The following SEC11A variants were observed in gnomAD, a reference collection of about 807,000 sequenced individuals.
SEC11A encodes the protein signal peptidase complex catalytic subunit SEC11A.
A neutral mutation model predicts 25.6 loss-of-function variants in SEC11A; 14 were observed. The observed-to-expected ratio is 0.55, with a 90% CI of 0.36 to 0.85. The LOEUF is 0.85. Ranked by LOEUF, SEC11A falls within the 40% of genes least tolerant of loss-of-function variation. SEC11A has a pLI of 0.01. For missense variants in SEC11A, 153 were observed against 222.9 expected (o/e 0.69, Z 2.00); for synonymous variants, 83 against 76.4 (o/e 1.09, Z -0.45).
At chr15:84,715,851 A>C (rs1268187030) in intron 1 of SEC11A, among the ~76,000 whole-genome samples, 174 bp downstream of exon 1, 1 of 152,212 alleles carries the variant, frequency 6.6e-6, no homozygotes, top group Non-Finnish European at 1.5e-5. Flanking sequence ...TCGGGGTTAA[A>C]AATAATGAGG....
chr15:84,685,303 G>A (rs1384339694), intron 3 of SEC11A, among the ~76,000 whole-genome samples: 1 of 151,956 alleles, frequency 6.6e-6, no homozygotes, highest in Non-Finnish European at 1.5e-5. Flanking sequence ...TGTTGCCCAG[G>A]ATAGAATAAA....
intron 2 of SEC11A, among the ~76,000 whole-genome samples, chr15:84,690,121 C>A (rs558753279): frequency 6.6e-6 from 1 of 152,216 alleles, no homozygotes; most frequent in African/African-American, 2.4e-5. Flanking sequence ...GGCTGTGTCC[C>A]CACCCAAATC....
intron 1 of SEC11A, among the ~76,000 whole-genome samples, chr15:84,706,791 G>C (rs921094): frequency 0.84 from 128,216 of 152,224 alleles, 54,457 homozygotes; most frequent in African/African-American, 0.96. Flanking sequence ...TTCCCCAAAT[G>C]CCCTTCCCTG....
Position 84,700,797 on chromosome 15 carries a change from A to G in SEC11A, c.52-9153T>C, listed in dbSNP as rs1170134304. ...GGAATTTGAGACCAGCCTGACCAAC[A>G]TGGAGAAACTCTGTCTCTACTAAAA... On this transcript the variant is annotated intron_variant, in intron 1 of 5. Coordinates refer to ENST00000268220, the MANE Select transcript of SEC11A (RefSeq NM_014300.4). 6.7e-5 allele frequency among the ~76,000 whole-genome samples: 10 copies of G among 150,174 alleles called. No individual in the cohort carries two copies. The Admixed American group carries it at 6.7e-4, about 10-fold the overall frequency.
At chr15:84,691,072 TC>T (rs1250305386) in intron 2 of SEC11A, among the ~76,000 whole-genome samples, 15 of 104,932 alleles carry the variant, frequency 1.4e-4, no homozygotes, top group African/African-American at 7.6e-4. Context: ...TTCTTTTCTC[TC>T]TTTTTTTTTT....
intron 1 of SEC11A, among the ~76,000 whole-genome samples, chr15:84,700,291 T>C (rs993020497): frequency 2.6e-5 from 4 of 151,484 alleles, no homozygotes; most frequent in Admixed American, 6.6e-5. Flanking sequence ...GCAGAAATTA[T>C]AGGATTAGTA....
At chr15:84,700,394 G>A (rs575076215) in intron 1 of SEC11A, among the ~76,000 whole-genome samples, 1 of 151,430 alleles carries the variant, frequency 6.6e-6, no homozygotes, top group African/African-American at 2.4e-5. Context: ...AGGAGTTCTA[G>A]ACTGGCCTGG....
intron 1 of SEC11A, among the ~76,000 whole-genome samples, chr15:84,705,171 T>G (rs554628302): frequency 5.3e-5 from 8 of 152,306 alleles, no homozygotes; most frequent in Admixed American, 5.2e-4. Flanking sequence ...GTGATCCTCC[T>G]GTCCAGGCTT....
chr15:84,703,282 C>T (rs1246173844), intron 1 of SEC11A, among the ~76,000 whole-genome samples: 4 of 152,002 alleles, frequency 2.6e-5, no homozygotes, highest in Non-Finnish European at 4.4e-5. Context: ...ATTCACCAAG[C>T]CAAAAAATAG....
intron 4 of SEC11A, among the ~76,000 whole-genome samples, chr15:84,679,689 T>C (rs761967707): frequency 5.9e-5 from 9 of 152,236 alleles, no homozygotes; most frequent in African/African-American, 9.6e-5. Context: ...AGGTGGACTA[T>C]GCAGCCAGCC....
At chr15:84,708,266 T>A (rs1230180605) in intron 1 of SEC11A, among the ~76,000 whole-genome samples, 3 of 127,098 alleles carry the variant, frequency 2.4e-5, no homozygotes, top group African/African-American at 8.8e-5. Context: ...CAGTTTACAA[T>A]AAAATTTTAC....
At chr15:84,690,903 G>T (rs1897584690) in intron 2 of SEC11A, among the ~76,000 whole-genome samples, 2 of 152,094 alleles carry the variant, frequency 1.3e-5, no homozygotes, top group Admixed American at 6.6e-5. Flanking sequence ...GTATCAAAAT[G>T]AGGAATATAA....
intron 1 of SEC11A, among the ~76,000 whole-genome samples, chr15:84,711,246 G>C (rs896525504): frequency 6.6e-6 from 1 of 151,838 alleles, no homozygotes; most frequent in Middle Eastern, 3.4e-3. Flanking sequence ...GCCAGGTGTG[G>C]TGTCACTGGC....
chr15:84,706,011 A>C (rs1898083401), intron 1 of SEC11A, among the ~76,000 whole-genome samples: 1 of 151,522 alleles, frequency 6.6e-6, no homozygotes, highest in Non-Finnish European at 1.5e-5. Flanking sequence ...TCCTGGGTTC[A>C]TGCGATTCTC....
intron 1 of SEC11A, among the ~76,000 whole-genome samples, chr15:84,710,043 A>G (rs1898214078): frequency 6.6e-6 from 1 of 152,190 alleles, no homozygotes; most frequent in Non-Finnish European, 1.5e-5. Flanking sequence ...TATATTTGGT[A>G]TTTTAACTTT....
In SEC11A at chr15:84,676,911, GGAGAGCCAATCTCTACAAAAATTAAAA is replaced by G. The variant is rs1897149176; in HGVS notation, c.431+3775_431+3801del. Among the ~76,000 whole-genome samples the G allele has an allele frequency of 7.2e-5, 11 of 152,086 alleles. No individual in the cohort carries two copies. The East Asian group carries it at 9.7e-4, about 13-fold the overall frequency. On this transcript the variant is annotated intron_variant, in intron 4 of 5. Coordinates refer to ENST00000268220, the MANE Select transcript of SEC11A (RefSeq NM_014300.4). Reference sequence around the variant, plus strand: ...TTCAAGACCAGCCTGGGCAACACAAGGAGAGCCAATCTCTACAAAAATTAAAAAAATTAGCCAGGTGTGATAGCATGC... The same window carrying G: ...TTCAAGACCAGCCTGGGCAACACAAGAAATTAGCCAGGTGTGATAGCATGC...
At chr15:84,715,175 G>C (rs1399280713) in intron 1 of SEC11A, among the ~76,000 whole-genome samples, 1 of 152,064 alleles carries the variant, frequency 6.6e-6, no homozygotes, top group Non-Finnish European at 1.5e-5. Flanking sequence ...ATCCTTAATG[G>C]TGACATCAGG....
intron 2 of SEC11A, among the ~76,000 whole-genome samples, chr15:84,688,459 C>A (rs1897494228): frequency 6.6e-6 from 1 of 152,214 alleles, no homozygotes; most frequent in African/African-American, 2.4e-5. Context: ...CCTCTTCCAT[C>A]CTACGCCAAG....
intron 2 of SEC11A, among the ~76,000 whole-genome samples, chr15:84,690,872 CA>C (rs1051196801): frequency 6.6e-6 from 1 of 151,968 alleles, no homozygotes; most frequent in Admixed American, 6.6e-5. Flanking sequence ...AATGAACTAA[CA>C]ACTAAATATC....
Sources: gnomAD v4.1 joint callset for allele counts (sites outside exome capture counted in the v4.1 genomes callset) on GRCh38, gnomAD v4.1.1 for gene constraint, MANE v1.5 for transcripts, NCBI Gene and HGNC (gene_info 2026-07-23, HGNC 2026-07-21) for gene names.